PLCE1: variants seen among roughly 807,000 people sequenced by gnomAD.
The protein encoded by PLCE1 is phospholipase C epsilon 1.
A neutral mutation model predicts 242.8 loss-of-function variants in PLCE1; 119 were observed. That is an observed-to-expected ratio of 0.49 (90% CI 0.42 to 0.57). The LOEUF is 0.57. Ranked by LOEUF, PLCE1 falls within the 20% of genes least tolerant of loss-of-function variation. PLCE1 has a pLI of 0.00. For missense variants in PLCE1, 2,441 were observed against 2,788.8 expected (o/e 0.88, Z 2.81); for synonymous variants, 945 against 1,017.4 (o/e 0.93, Z 1.35).
intron 2 of PLCE1, among the ~76,000 whole-genome samples, chr10:94,103,120 A>G (rs750381381): frequency 1.3e-5 from 2 of 152,220 alleles, no homozygotes; most frequent in Non-Finnish European, 2.9e-5. Flanking sequence ...AACAGCTGTT[A>G]CTATGAATCT....
chr10:94,152,370 A>T (rs149213934), intron 3 of PLCE1, among the ~76,000 whole-genome samples: 1 of 152,360 alleles, frequency 6.6e-6, no homozygotes, highest in Non-Finnish European at 1.5e-5. Flanking sequence ...TGAGTACTAA[A>T]TGTGTAATAG....
intron 25 of PLCE1, among the ~76,000 whole-genome samples, chr10:94,304,930 TA>T: frequency 6.6e-6 from 1 of 152,202 alleles, no homozygotes; most frequent in East Asian, 1.9e-4. Flanking sequence ...CACAGAATCA[TA>T]ACTATGAGTA....
At chr10:94,072,008 G>A (rs2044375561) in intron 2 of PLCE1, among the ~76,000 whole-genome samples, 1 of 152,212 alleles carries the variant, frequency 6.6e-6, no homozygotes, top group Non-Finnish European at 1.5e-5. Context: ...AGGAGGTCCA[G>A]CATCATTCTG....
At chr10:94,253,413 G>C (rs893118504) in intron 9 of PLCE1, among the ~76,000 whole-genome samples, 1 of 152,108 alleles carries the variant, frequency 6.6e-6, no homozygotes. Context: ...GAGTGCAGTG[G>C]TGTGATCATG....
rs201727715 is a variant in PLCE1 at position 94,132,282 on chromosome 10, G to C, written c.1315G>C (p.Gly439Arg). 1 of 1,613,812 alleles carries C rather than the reference G, an allele frequency of 6.2e-7. No homozygotes were observed. Among genetic ancestry groups the C allele is most frequent in the Non-Finnish European group, 8.5e-7 (1 of 1,179,994 alleles). The change falls in exon 3 of 33, where the codon GGT (glycine) becomes CGT (arginine). Residue 439 changes from glycine to arginine, a missense_variant. This residue lies in a region of PLCE1 where 733 missense variants were observed against 754.2 expected (regional missense o/e 0.97). Transcript: ENST00000371380. ...SETAHGRISV[G>R]PCLKQCVRDT... ...GACAGCCCATGGAAGGATAAGCGTT[G>C]GTCCATGCTTAAAGCAATGTGTCCG...
chr10:94,023,444 A>G (rs1176649270), intron 1 of PLCE1, among the ~76,000 whole-genome samples: 2 of 152,196 alleles, frequency 1.3e-5, no homozygotes, highest in Non-Finnish European at 2.9e-5. Flanking sequence ...ACATAACTCC[A>G]GAATCTTGAC....
intron 3 of PLCE1, among the ~76,000 whole-genome samples, chr10:94,148,657 A>G (rs1301264845): frequency 1.3e-5 from 2 of 152,208 alleles, no homozygotes. Context: ...TTCCTTTCCA[A>G]GAAAAAGAGA....
rs529830720 is a variant in PLCE1 at position 94,330,381 on chromosome 10, T to C, written c.*2438T>C. The C allele has an allele frequency of 6.6e-6, 1 of 152,316 alleles. No homozygotes were observed. Among genetic ancestry groups the C allele is most frequent in the East Asian group, 1.9e-4 (1 of 5,184 alleles). The allele number at this position is 152,316 out of a possible 1,614,324, so 9.4% of individuals were successfully genotyped here. A position where few individuals can be genotyped will look rare whatever the true frequency, so the allele number is the denominator to read the frequency against. On this transcript the variant is annotated 3_prime_UTR_variant, in exon 33 of 33. Transcript: ENST00000371380. ...GGGATTACAGAAAGAACACATTGTT[T>C]CAAAATGTAAAGAGTTGGCTGGGCA...
chr10:94,227,337 C>A lies in PLCE1; in HGVS notation c.1841C>A (p.Thr614Lys). 6.2e-7 allele frequency: 1 copy of A among 1,613,978 alleles called. No homozygotes were observed. The highest frequency in any genetic ancestry group is 8.5e-7 in the Non-Finnish European group (1 of 1,179,872). ...TCCTGGGTGACATGGCTGATCCTCACGGCAGGCTCCATGGAGGAGAAGCGA... is the reference window on the plus strand; with the variant it reads ...TCCTGGGTGACATGGCTGATCCTCAAGGCAGGCTCCATGGAGGAGAAGCGA... ...VSSWVTWLIL[T>K]AGSMEEKREV... Residue 614 changes from threonine (T) to lysine (K), a missense_variant, in exon 5 of 33, where the codon ACG becomes AAG. Around this residue, in one of 5 missense-constraint regions of PLCE1, gnomAD observed 733 missense variants for 754.2 expected, o/e 0.97. Coordinates refer to ENST00000371380, the MANE Select transcript of PLCE1 (RefSeq NM_016341.4).
chr10:94,158,568 C>T (rs949662580), intron 3 of PLCE1, among the ~76,000 whole-genome samples: 7 of 151,838 alleles, frequency 4.6e-5, no homozygotes, highest in African/African-American at 1.5e-4. Context: ...ACATAATAAG[C>T]ACAGATAAAG....
At chr10:94,324,270 C>T in intron 30 of PLCE1, 79 bp from the exon 31 acceptor site, 2 of 1,162,532 alleles carry the variant, frequency 1.7e-6, no homozygotes, top group Admixed American at 3.4e-5. Flanking sequence ...CATTTTTCCA[C>T]CTTAAAGTTT....
At chr10:94,321,208 G>A (rs113916558) in intron 29 of PLCE1, among the ~76,000 whole-genome samples, 3 of 152,306 alleles carry the variant, frequency 2.0e-5, no homozygotes, top group Admixed American at 6.5e-5. Context: ...TTTCTTAAAT[G>A]CTCAACGTCT....
intron 2 of PLCE1, among the ~76,000 whole-genome samples, chr10:94,086,660 A>T (rs1373887535): frequency 6.6e-6 from 1 of 152,186 alleles, no homozygotes; most frequent in Non-Finnish European, 1.5e-5. Flanking sequence ...TGTATTTATT[A>T]TAATTGAATG....
In PLCE1 at chr10:94,265,903, C is replaced by G; in HGVS notation, c.4226C>G (p.Thr1409Ser). 6.2e-7 allele frequency: 1 copy of G among 1,614,050 alleles called. No homozygotes were observed. Among genetic ancestry groups the G allele is most frequent in the Non-Finnish European group, 8.5e-7 (1 of 1,179,936 alleles). The change falls in exon 16 of 33, where the codon ACC (threonine) becomes AGC (serine). Residue 1409 changes from threonine to serine, a missense_variant. Physicochemically the swap from Thr to Ser is moderately conservative, Grantham distance 58. This residue lies in a region of PLCE1 where 1,004 missense variants were observed against 1,322.7 expected (regional missense o/e 0.76). Coordinates refer to ENST00000371380, the MANE Select transcript of PLCE1 (RefSeq NM_016341.4). ...SYYYIESSHN[T>S]YLTGHQLKGE... Reference sequence around the variant, plus strand: ...TATTACATCGAATCTTCGCACAATACCTACCTCACGGGCCATCAGCTCAAA... The same window carrying G: ...TATTACATCGAATCTTCGCACAATAGCTACCTCACGGGCCATCAGCTCAAA...
At position 94,262,656 on chromosome 10, in the gene PLCE1, T is replaced by A. The variant is rs780298176; in HGVS notation, c.3977T>A (p.Ile1326Lys). ...TCTCTGGGCATTTTTGGGGTGGGCA[T>A]ACTTCAGCTCAACGATTTCCTCGTG... ...STSLGIFGVG[I>K]LQLNDFLVNC... Residue 1326 changes from isoleucine to lysine, a missense_variant, in exon 14 of 33, where the codon ATA (isoleucine) becomes AAA (lysine). Transcript: ENST00000371380. The A allele has an allele frequency of 1.2e-6, 2 of 1,614,126 alleles. No homozygotes were observed. Among genetic ancestry groups the A allele is most frequent in the South Asian group, 2.2e-5 (2 of 91,078 alleles).
In PLCE1 at chr10:94,214,760, C is replaced by T. The variant is rs1034217987; in HGVS notation, c.1810-12546C>T. The stretch of plus-strand genomic sequence containing the variant: ...AGTGAAAAAGTGACTTGCGGGCTTA[C>T]TTTTGCTTACCAGTGACAGGTGCAC... On this transcript the variant is annotated intron_variant, in intron 4 of 32. Coordinates refer to ENST00000371380, the MANE Select transcript of PLCE1 (RefSeq NM_016341.4). 2.0e-5 allele frequency among the ~76,000 whole-genome samples: 3 copies of T among 152,154 alleles called. No individual in the cohort carries two copies. The East Asian group carries it at 5.8e-4, about 29-fold the overall frequency.
In PLCE1 at chr10:94,246,490, G is replaced by A. The variant is rs763441024; in HGVS notation, c.2965G>A (p.Val989Met). Reference protein sequence around the residue: ...QTTDNRLLHFVAPKHTAKMLF... With the variant: ...QTTDNRLLHFMAPKHTAKMLF... ...CACAGACAACAGATTATTGCACTTCGTGGCACCAAAGCACACAGCTAAAAT... is the reference window on the plus strand; with the variant it reads ...CACAGACAACAGATTATTGCACTTCATGGCACCAAAGCACACAGCTAAAAT... Residue 989 changes from valine (V) to methionine (M), a missense_variant, in exon 8 of 33, where the codon GTG becomes ATG. This residue lies in a region of PLCE1 where 1,004 missense variants were observed against 1,322.7 expected (regional missense o/e 0.76). Transcript: ENST00000371380. 79 of 1,614,046 alleles carry A rather than the reference G, an allele frequency of 4.9e-5. 1 individual carries two copies. In the Admixed American group the frequency reaches 5.0e-4, roughly 10 times the overall value.
rs1194052691 is a variant in PLCE1 at position 94,227,311 on chromosome 10, C to T, written c.1815C>T (p.Ser605=). The T allele has an allele frequency of 2.5e-6, 4 of 1,614,064 alleles. No homozygotes were observed. Among genetic ancestry groups the T allele is most frequent in the Non-Finnish European group, 3.4e-6 (4 of 1,179,922 alleles). ...TGTCTCTGTGTGTTTTCCAGGTGAG[C>T]TCCTGGGTGACATGGCTGATCCTCA... The part of the protein sequence containing the change: ...EDLVMRFNEV[S]SWVTWLILTA... Residue 605 remains serine (S), a synonymous_variant, in exon 5 of 33, where the codon AGC becomes AGT. Coordinates refer to ENST00000371380, the MANE Select transcript of PLCE1 (RefSeq NM_016341.4).
In PLCE1 at chr10:94,206,356, A is replaced by G. The variant is rs143121981; in HGVS notation, c.1810-20950A>G. On this transcript the variant is annotated intron_variant, in intron 4 of 32. Transcript: ENST00000371380. ...TGTGCAGGACATGAAAGGAAGTGGC[A>G]AGAGAGGAGGTCAGAGGACCCAATC... 4.1e-3 allele frequency among the ~76,000 whole-genome samples: 632 copies of G among 152,292 alleles called. 8 individuals carry two copies. Among genetic ancestry groups the G allele is most frequent in the African/African-American group, 0.015 (604 of 41,560 alleles).
Sources: allele counts gnomAD v4.1 joint callset (sites outside exome capture counted in the v4.1 genomes callset), GRCh38; gene constraint gnomAD v4.1.1; regional missense constraint gnomAD v4.1.1; transcripts MANE v1.5; gene names NCBI Gene and HGNC (gene_info 2026-07-23, HGNC 2026-07-21).